The following SIPA1L1 variants were observed in gnomAD, a reference collection of about 807,000 sequenced individuals.
SIPA1L1 encodes the protein signal induced proliferation associated 1 like 1, also known as signal-induced proliferation-associated 1-like protein 1.
SIPA1L1 carries 26 observed loss-of-function variants against 162.7 expected under a neutral mutation model. That is an observed-to-expected ratio of 0.16 (90% CI 0.12 to 0.22). The LOEUF is 0.22. SIPA1L1 is among the 10% of genes least tolerant of loss of function. SIPA1L1 has a pLI of 1.00. For synonymous variants in SIPA1L1, 829 were observed against 837.4 expected (o/e 0.99, Z 0.17); for missense variants, 1,874 against 2,241.0 (o/e 0.84, Z 3.31).
At chr14:71,601,433 G>A (rs1183772893) in intron 5 of SIPA1L1, among the ~76,000 whole-genome samples, 1 of 152,134 alleles carries the variant, frequency 6.6e-6, no homozygotes. Context: ...GCATCTCTGA[G>A]ATAAATCCCA....
At chr14:71,544,099 A>ACGCACATGTATGTATATACACACGCG in intron 4 of SIPA1L1, among the ~76,000 whole-genome samples, 1 of 150,638 alleles carries the variant, frequency 6.6e-6, no homozygotes, top group African/African-American at 2.5e-5. Flanking sequence ...ATACACACGC[A>ACGCACATGTATGTATATACACACGCG]CATGTATGTA....
At chr14:71,665,204 T>C (rs1268917754) in intron 10 of SIPA1L1, among the ~76,000 whole-genome samples, 2 of 152,188 alleles carry the variant, frequency 1.3e-5, no homozygotes, top group African/African-American at 4.8e-5. Flanking sequence ...CCTTAGCATA[T>C]ATGTGCTAGA....
rs578026013 is a variant in SIPA1L1, at chr14:71,690,835, T to A, written c.3374+5204T>A. The stretch of plus-strand genomic sequence containing the variant: ...TGTGGGCAGTTCCTTAGCTGATCTG[T>A]TTTGCCTTGGTCTCTTTTTCACTTT... On this transcript the variant is annotated intron_variant, in intron 13 of 23. Transcript: ENST00000381232. Among the ~76,000 whole-genome samples, 26 of 152,334 alleles carry A rather than the reference T, an allele frequency of 1.7e-4. No homozygotes were observed. The South Asian group carries it at 4.8e-3, about 28-fold the overall frequency.
chr14:71,627,873 C>T (rs2040190244), intron 7 of SIPA1L1, among the ~76,000 whole-genome samples: 1 of 152,152 alleles, frequency 6.6e-6, no homozygotes, highest in Admixed American at 6.5e-5. Context: ...TCCAAGATCC[C>T]ATTTACATAT....
chr14:71,434,007 C>CT (rs1451812954), intron 2 of SIPA1L1, among the ~76,000 whole-genome samples: 1 of 152,168 alleles, frequency 6.6e-6, no homozygotes, highest in South Asian at 2.1e-4. Context: ...TCTCTTTGTC[C>CT]TTTGCTTTTC....
chr14:71,527,605 TTTC>T (rs1251595662), intron 3 of SIPA1L1, among the ~76,000 whole-genome samples: 1 of 152,088 alleles, frequency 6.6e-6, no homozygotes, highest in Non-Finnish European at 1.5e-5. Context: ...GGCGTCCACT[TTTC>T]TTCTTTTAAT....
chr14:71,341,501 T>G lies in SIPA1L1; in HGVS notation c.-465+20320T>G, dbSNP rs553906310. Among the ~76,000 whole-genome samples the G allele has an allele frequency of 1.1e-4, 17 of 152,350 alleles. No individual in the cohort carries two copies. In the South Asian group the frequency reaches 3.1e-3, roughly 28 times the overall value. On this transcript the variant is annotated intron_variant, in intron 2 of 23. Transcript: ENST00000381232. ...CATATTAGAAATATACAGATTTTTTTCTCCCCAACTTTTGTTTTAGATTCA... is the reference window on the plus strand; with the variant it reads ...CATATTAGAAATATACAGATTTTTTGCTCCCCAACTTTTGTTTTAGATTCA...
At chr14:71,367,799 G>A (rs2140965152) in intron 2 of SIPA1L1, among the ~76,000 whole-genome samples, 1 of 150,840 alleles carries the variant, frequency 6.6e-6, no homozygotes, top group Non-Finnish European at 1.5e-5. Flanking sequence ...TAGAGACGGG[G>A]TTTCACCATG....
chr14:71,580,228 AG>A (rs1157033099), intron 4 of SIPA1L1, among the ~76,000 whole-genome samples: 2 of 152,314 alleles, frequency 1.3e-5, no homozygotes, highest in East Asian at 3.9e-4. Flanking sequence ...GTAGCACTTT[AG>A]TAAAGCTCTC....
chr14:71,576,719 A>G (rs1426983472), intron 4 of SIPA1L1: 1 of 152,186 alleles, frequency 6.6e-6, no homozygotes, highest in Non-Finnish European at 1.5e-5. Context: ...TGTTAATATA[A>G]GAAGGAAACA....
intron 7 of SIPA1L1, among the ~76,000 whole-genome samples, chr14:71,628,786 A>G (rs746966978): frequency 6.6e-6 from 1 of 152,152 alleles, no homozygotes; most frequent in Non-Finnish European, 1.5e-5. Context: ...GGGGAAGAAG[A>G]TTTCATCAGG....
At chr14:71,558,870 GAC>G (rs1370995346) in intron 4 of SIPA1L1, among the ~76,000 whole-genome samples, 1 of 152,036 alleles carries the variant, frequency 6.6e-6, no homozygotes, top group Non-Finnish European at 1.5e-5. Flanking sequence ...TTTTTGTAGA[GAC>G]ACGGTCTTGC....
At chr14:71,617,356 G>A (rs1399164548) in intron 5 of SIPA1L1, among the ~76,000 whole-genome samples, 5 of 152,212 alleles carry the variant, frequency 3.3e-5, no homozygotes, top group African/African-American at 1.2e-4. Flanking sequence ...CAAAGTAAGA[G>A]TAAATAATCT....
intron 2 of SIPA1L1, among the ~76,000 whole-genome samples, chr14:71,427,981 C>A (rs1457750926): frequency 6.6e-6 from 1 of 151,660 alleles, no homozygotes; most frequent in Non-Finnish European, 1.5e-5. Flanking sequence ...TTGTTGAAAA[C>A]TGGACACTTT....
intron 8 of SIPA1L1, among the ~76,000 whole-genome samples, chr14:71,652,509 G>GT (rs1437043316): frequency 1.3e-5 from 2 of 152,100 alleles, no homozygotes; most frequent in Non-Finnish European, 2.9e-5. Context: ...TCAAATTAAA[G>GT]TACTATCTGC....
chr14:71,661,304 T>A lies in SIPA1L1; in HGVS notation c.2098-6T>A, dbSNP rs890377573. 6.2e-7 allele frequency: 1 copy of A among 1,609,600 alleles called. No individual in the cohort carries two copies. The highest frequency in any genetic ancestry group is 1.3e-5 in the African/African-American group (1 of 74,610). ...ATTTATGTTGGTTGCTTATTTTTTC[T>A]TGTAGCTCCTGAGGAAGCGGCACAT... On this transcript the variant is annotated splice_polypyrimidine_tract_variant and splice_region_variant and intron_variant, in intron 9 of 23. Transcript: ENST00000381232.
At chr14:71,418,873 C>G (rs1279524904) in intron 2 of SIPA1L1, among the ~76,000 whole-genome samples, 1 of 152,044 alleles carries the variant, frequency 6.6e-6, no homozygotes, top group Non-Finnish European at 1.5e-5. Context: ...GGTGCTCCTG[C>G]GGGGAGGGCT....
At chr14:71,622,962 T>A (rs1596473502) in intron 6 of SIPA1L1, among the ~76,000 whole-genome samples, 1 of 152,218 alleles carries the variant, frequency 6.6e-6, no homozygotes, top group Non-Finnish European at 1.5e-5. Context: ...CTCCCTTTTT[T>A]CCCAATCTCC....
chr14:71,321,821 C>T (rs1010954551), intron 2 of SIPA1L1: 2 of 152,184 alleles, frequency 1.3e-5, no homozygotes, highest in African/African-American at 2.4e-5. Context: ...CGCTCCACGG[C>T]ATTTCTAGGT....
Sources: allele counts gnomAD v4.1 joint callset (sites outside exome capture counted in the v4.1 genomes callset), GRCh38; gene constraint gnomAD v4.1.1; transcripts MANE v1.5; gene names NCBI Gene and HGNC (gene_info 2026-07-23, HGNC 2026-07-21).